Variants in SEMA6D observed in about 807,000 individuals in gnomAD.
The protein encoded by SEMA6D is semaphorin-6D.
Under a neutral mutation model 106.6 loss-of-function variants are expected in SEMA6D, and 35 were observed. That is an observed-to-expected ratio of 0.33 (90% CI 0.25 to 0.44). The LOEUF (loss-of-function observed/expected upper bound fraction) is 0.44, where lower values mean the gene tolerates loss of function less well. Among genes scored for constraint, SEMA6D ranks in the 20% least tolerant of loss-of-function variants. SEMA6D has a pLI of 1.00. For synonymous variants in SEMA6D, 499 were observed against 487.7 expected (o/e 1.02, Z -0.31); for missense variants, 1,185 against 1,345.9 (o/e 0.88, Z 1.87).
chr15:47,680,223 A>G (rs1297122649), intron 4 of SEMA6D, among the ~76,000 whole-genome samples: 1 of 152,096 alleles, frequency 6.6e-6, no homozygotes, highest in Non-Finnish European at 1.5e-5. Flanking sequence ...AGCATATCAC[A>G]TGTTCATAAT....
At chr15:47,280,168 T>C (rs2035044756) in intron 1 of SEMA6D, among the ~76,000 whole-genome samples, 1 of 152,188 alleles carries the variant, frequency 6.6e-6, no homozygotes, top group African/African-American at 2.4e-5. Context: ...GGACTCTTCT[T>C]GGTTGGTAAG....
At chr15:47,336,683 G>T (rs1221966463) in intron 1 of SEMA6D, among the ~76,000 whole-genome samples, 1 of 152,168 alleles carries the variant, frequency 6.6e-6, no homozygotes, top group Admixed American at 6.6e-5. Context: ...ATACAGGAGT[G>T]TGCTACCTGG....
chr15:47,675,501 C>T (rs1298898917), intron 4 of SEMA6D, among the ~76,000 whole-genome samples: 1 of 152,096 alleles, frequency 6.6e-6, no homozygotes, highest in Non-Finnish European at 1.5e-5. Context: ...GAAAACTAGC[C>T]TGCTGACACC....
chr15:47,693,742 C>T (rs892909100), intron 4 of SEMA6D, among the ~76,000 whole-genome samples: 2 of 152,060 alleles, frequency 1.3e-5, no homozygotes, highest in African/African-American at 4.8e-5. Context: ...AGAGACCAAC[C>T]TGGGCAACAT....
At chr15:47,270,045 T>C (rs1301520340) in intron 1 of SEMA6D, among the ~76,000 whole-genome samples, 1 of 151,206 alleles carries the variant, frequency 6.6e-6, no homozygotes, top group Non-Finnish European at 1.5e-5. Flanking sequence ...TTTCATAGTT[T>C]CTAGATTACG....
At chr15:47,538,997 A>C (rs754387445) in intron 3 of SEMA6D, among the ~76,000 whole-genome samples, 6 of 152,214 alleles carry the variant, frequency 3.9e-5, no homozygotes, top group Non-Finnish European at 7.3e-5. Flanking sequence ...CATTAAGCTA[A>C]GAATCCTGAA....
intron 4 of SEMA6D, among the ~76,000 whole-genome samples, chr15:47,634,333 T>C (rs1474290204): frequency 5.3e-5 from 8 of 152,084 alleles, no homozygotes; most frequent in Admixed American, 4.6e-4. Flanking sequence ...ATTGTCTTGA[T>C]TGTCTTGAGT....
intron 1 of SEMA6D, among the ~76,000 whole-genome samples, chr15:47,344,967 T>A (rs2037985274): frequency 6.6e-6 from 1 of 152,130 alleles, no homozygotes. Context: ...ACATAAAAAA[T>A]GTGCACTTCG....
At chr15:47,278,052 G>A (rs1420805511) in intron 1 of SEMA6D, among the ~76,000 whole-genome samples, 2 of 151,798 alleles carry the variant, frequency 1.3e-5, no homozygotes, top group Non-Finnish European at 2.9e-5. Context: ...TTGCTATTGT[G>A]AATAATGCCA....
At chr15:47,412,131 T>C (rs2040819597) in intron 1 of SEMA6D, among the ~76,000 whole-genome samples, 1 of 152,058 alleles carries the variant, frequency 6.6e-6, no homozygotes, top group Non-Finnish European at 1.5e-5. Context: ...CCATTATTTG[T>C]CCTGCTTGTA....
chr15:47,246,525 A>G (rs922902651), intron 1 of SEMA6D, among the ~76,000 whole-genome samples: 19 of 152,160 alleles, frequency 1.2e-4, no homozygotes, highest in Non-Finnish European at 2.2e-4. Flanking sequence ...GGGAGAATCC[A>G]TTTCCTTGCT....
intron 1 of SEMA6D, among the ~76,000 whole-genome samples, chr15:47,338,189 C>T (rs547359436): frequency 3.9e-5 from 6 of 152,150 alleles, no homozygotes; most frequent in African/African-American, 1.4e-4. Flanking sequence ...TGGGTGTTAA[C>T]GGAGAGAAGG....
At chr15:47,333,500 T>C (rs376449366) in intron 1 of SEMA6D, among the ~76,000 whole-genome samples, 1 of 152,100 alleles carries the variant, frequency 6.6e-6, no homozygotes, top group Non-Finnish European at 1.5e-5. Flanking sequence ...TTTGAGTATC[T>C]AGATGACAAT....
intron 16 of SEMA6D, 64 bp downstream of exon 16, chr15:47,766,741 AT>A (rs2082362581): frequency 2.7e-6 from 3 of 1,107,160 alleles, no homozygotes; most frequent in South Asian, 2.6e-5. Context: ...CGTCGACATT[AT>A]TTTACAATCA....
At chr15:47,593,075 C>G (rs1178664679) in intron 3 of SEMA6D, among the ~76,000 whole-genome samples, 1 of 152,104 alleles carries the variant, frequency 6.6e-6, no homozygotes, top group Non-Finnish European at 1.5e-5. Context: ...TCTAGAATTT[C>G]AGAAGCATTC....
At chr15:47,584,735 T>G (rs1330464589) in intron 3 of SEMA6D, among the ~76,000 whole-genome samples, 2 of 152,184 alleles carry the variant, frequency 1.3e-5, no homozygotes, top group Non-Finnish European at 2.9e-5. Context: ...TCTCTAGACT[T>G]TCCATTTCCT....
intron 1 of SEMA6D, among the ~76,000 whole-genome samples, chr15:47,322,819 C>T (rs1595730382): frequency 1.3e-5 from 2 of 152,122 alleles, no homozygotes; most frequent in African/African-American, 4.8e-5. Flanking sequence ...GTATTTCCCT[C>T]GGATGGCAAT....
chr15:47,405,195 T>A (rs1002317407), intron 1 of SEMA6D, among the ~76,000 whole-genome samples: 1 of 152,020 alleles, frequency 6.6e-6, no homozygotes, highest in Non-Finnish European at 1.5e-5. Flanking sequence ...AGACATCTAG[T>A]CTCCTGAGTG....
At chr15:47,464,630 G>C (rs1006079400) in intron 2 of SEMA6D, among the ~76,000 whole-genome samples, 4 of 152,090 alleles carry the variant, frequency 2.6e-5, no homozygotes, top group African/African-American at 9.7e-5. Context: ...TGGTGTGACT[G>C]ATTTAGTCAA....
Sources: gnomAD v4.1 joint callset for allele counts (sites outside exome capture counted in the v4.1 genomes callset) on GRCh38, gnomAD v4.1.1 for gene constraint, MANE v1.5 for transcripts, NCBI Gene and HGNC (gene_info 2026-07-23, HGNC 2026-07-21) for gene names.